The following CDH13 variants were observed in gnomAD, a reference collection of about 807,000 sequenced individuals.
The protein encoded by CDH13 is cadherin 13.
In CDH13, 24 loss-of-function variants were observed where a neutral mutation model predicts 63.8. That is an observed-to-expected ratio of 0.38 (90% CI 0.27 to 0.53). The LOEUF (loss-of-function observed/expected upper bound fraction) is 0.53, where lower values mean the gene tolerates loss of function less well. CDH13 is among the 20% of genes least tolerant of loss of function. CDH13 has a pLI of 0.85. For synonymous variants in CDH13, 503 were observed against 355.3 expected (o/e 1.42, Z -4.67); for missense variants, 1,049 against 903.1 (o/e 1.16, Z -2.07).
At chr16:82,953,626 A>G (rs1905612865) in intron 2 of CDH13, 3 of 152,212 alleles carry the variant, frequency 2.0e-5, no homozygotes, top group Non-Finnish European at 4.4e-5. Context: ...CATGGGTGAG[A>G]AAATAAATTA....
At chr16:82,911,405 A>T (rs1425958544) in intron 2 of CDH13, among the ~76,000 whole-genome samples, 1 of 152,120 alleles carries the variant, frequency 6.6e-6, no homozygotes, top group Admixed American at 6.6e-5. Flanking sequence ...TGTGACATCC[A>T]AAGCCTCTTT....
intron 4 of CDH13, among the ~76,000 whole-genome samples, chr16:83,154,024 C>T (rs1175268565): frequency 6.6e-6 from 1 of 152,178 alleles, no homozygotes; most frequent in Non-Finnish European, 1.5e-5. Flanking sequence ...TTCTGCCTGG[C>T]CCCTCTTTAG....
intron 6 of CDH13, among the ~76,000 whole-genome samples, chr16:83,410,192 G>A (rs1479858413): frequency 1.3e-5 from 2 of 152,120 alleles, no homozygotes; most frequent in Non-Finnish European, 2.9e-5. Flanking sequence ...AGTTGTTAAT[G>A]GAATTCAGCA....
intron 3 of CDH13, among the ~76,000 whole-genome samples, chr16:83,105,224 C>T (rs568267619): frequency 6.6e-5 from 10 of 152,152 alleles, no homozygotes; most frequent in Non-Finnish European, 1.5e-4. Context: ...AAGATTCTAC[C>T]TGAGGAGCTG....
chr16:83,078,041 C>T (rs1472766024), intron 3 of CDH13, among the ~76,000 whole-genome samples: 1 of 152,104 alleles, frequency 6.6e-6, no homozygotes, highest in East Asian at 1.9e-4. Flanking sequence ...TTTGGCTTGG[C>T]TAAAGTCAAA....
In CDH13 at chr16:83,487,327, C is replaced by A. The variant is rs1030750788; in HGVS notation, c.960+672C>A. ...ATTTCACGTTTCTGTTTTAAAAATG[C>A]CAATTTCCAGTTTTTCTGGACATCA... On this transcript the variant is annotated intron_variant, in intron 7 of 13. Transcript: ENST00000567109. Among the ~76,000 whole-genome samples, 4 of 152,230 alleles carry A rather than the reference C, an allele frequency of 2.6e-5. No homozygotes were observed. The South Asian group carries it at 6.2e-4, about 24-fold the overall frequency.
chr16:83,151,854 C>G (rs903681583), intron 4 of CDH13, among the ~76,000 whole-genome samples: 1 of 151,940 alleles, frequency 6.6e-6, no homozygotes, highest in Non-Finnish European at 1.5e-5. Flanking sequence ...CCCAGCTACT[C>G]AGGAGGCTGA....
intron 2 of CDH13, among the ~76,000 whole-genome samples, chr16:83,002,199 A>G (rs777468859): frequency 6.6e-6 from 1 of 152,224 alleles, no homozygotes; most frequent in Non-Finnish European, 1.5e-5. Context: ...TAAGAATCTG[A>G]TAATGAGAGG....
intron 9 of CDH13, among the ~76,000 whole-genome samples, chr16:83,677,475 A>G (rs1018078171): frequency 6.6e-6 from 1 of 150,422 alleles, no homozygotes; most frequent in African/African-American, 2.5e-5. Flanking sequence ...CCCTCGAGTC[A>G]ATTGAAAATG....
chr16:82,734,466 G>T (rs995935009), intron 1 of CDH13, among the ~76,000 whole-genome samples: 1 of 152,208 alleles, frequency 6.6e-6, no homozygotes, highest in Non-Finnish European at 1.5e-5. Context: ...GGGCAAAGGG[G>T]TGAGTGGAGG....
chr16:82,723,904 A>G (rs1281023720), intron 1 of CDH13, among the ~76,000 whole-genome samples: 2 of 152,030 alleles, frequency 1.3e-5, no homozygotes, highest in Non-Finnish European at 1.5e-5. Flanking sequence ...TATTTTTTCT[A>G]TTCCCACTCC....
chr16:83,119,036 C>A (rs1001756471), intron 3 of CDH13, among the ~76,000 whole-genome samples: 2 of 152,168 alleles, frequency 1.3e-5, no homozygotes, highest in Non-Finnish European at 2.9e-5. Context: ...TCCATGTAAT[C>A]GCCTAGCACA....
At chr16:82,724,491 C>T (rs994433016) in intron 1 of CDH13, among the ~76,000 whole-genome samples, 5 of 152,098 alleles carry the variant, frequency 3.3e-5, no homozygotes, top group African/African-American at 9.7e-5. Context: ...AGAGTATGAT[C>T]CCATATATGT....
chr16:83,743,918 C>G (rs544754436), intron 10 of CDH13, among the ~76,000 whole-genome samples: 3 of 151,904 alleles, frequency 2.0e-5, no homozygotes, highest in Non-Finnish European at 2.9e-5. Context: ...ACACTGTGTA[C>G]CGAGAAGCCC....
intron 1 of CDH13, among the ~76,000 whole-genome samples, chr16:82,697,988 G>A (rs2030540988): frequency 6.6e-6 from 1 of 152,128 alleles, no homozygotes; most frequent in Non-Finnish European, 1.5e-5. Flanking sequence ...GGATATGGCT[G>A]CATGTTAATG....
At chr16:83,243,931 C>T (rs1904727947) in intron 5 of CDH13, among the ~76,000 whole-genome samples, 1 of 152,144 alleles carries the variant, frequency 6.6e-6, no homozygotes, top group African/African-American at 2.4e-5. Context: ...TTTTCTTCTT[C>T]ATTAACTATG....
intron 5 of CDH13, among the ~76,000 whole-genome samples, chr16:83,247,692 T>A (rs1039498049): frequency 1.3e-5 from 2 of 152,226 alleles, no homozygotes; most frequent in Non-Finnish European, 2.9e-5. Flanking sequence ...TTAATGTTAA[T>A]CATTGATACA....
At chr16:82,885,434 C>G (rs2040851173) in intron 2 of CDH13, among the ~76,000 whole-genome samples, 2 of 93,592 alleles carry the variant, frequency 2.1e-5, no homozygotes, top group South Asian at 1.1e-3. Flanking sequence ...ACACCTCCCA[C>G]CCCCCCACCC....
intron 1 of CDH13, among the ~76,000 whole-genome samples, chr16:82,728,692 T>G (rs986017658): frequency 6.6e-6 from 1 of 152,132 alleles, no homozygotes; most frequent in Non-Finnish European, 1.5e-5. Flanking sequence ...AAGGCTAAGG[T>G]GAATTGGCAG....
Sources: allele counts gnomAD v4.1 joint callset (sites outside exome capture counted in the v4.1 genomes callset), GRCh38; gene constraint gnomAD v4.1.1; transcripts MANE v1.5; gene names NCBI Gene and HGNC (gene_info 2026-07-23, HGNC 2026-07-21).